C9: variants seen among roughly 807,000 people sequenced by gnomAD.
C9 encodes the protein complement C9.
Under a neutral mutation model 65.4 loss-of-function variants are expected in C9, and 63 were observed. That is an observed-to-expected ratio of 0.96 (90% CI 0.79 to 1.19). The LOEUF (loss-of-function observed/expected upper bound fraction) is 1.19. Ranked by LOEUF, C9 falls within the 50% of genes most tolerant of loss-of-function variation. The probability of loss-of-function intolerance (pLI) is 0.00; values close to 1 mark genes in which losing one functional copy is unlikely to be tolerated. For synonymous variants in C9, 229 were observed against 227.9 expected (o/e 1.00, Z -0.04); for missense variants, 744 against 670.1 (o/e 1.11, Z -1.22).
At chr5:39,347,277 T>G (rs1049834994) in intron 1 of C9, among the ~76,000 whole-genome samples, 1 of 152,166 alleles carries the variant, frequency 6.6e-6, no homozygotes. Context: ...AAAACTCCCT[T>G]GTCTCAGCCC....
chr5:39,348,551 G>A (rs1754253014), intron 1 of C9, among the ~76,000 whole-genome samples: 1 of 152,110 alleles, frequency 6.6e-6, no homozygotes, highest in Admixed American at 6.6e-5. Flanking sequence ...GGAGAAATAG[G>A]AACACTTTTA....
At chr5:39,350,610 G>A (rs1754305183) in intron 1 of C9, among the ~76,000 whole-genome samples, 1 of 152,050 alleles carries the variant, frequency 6.6e-6, no homozygotes, top group Admixed American at 6.6e-5. Flanking sequence ...AAGAGATAGG[G>A]GCTACAGGCA....
rs151018817 is a variant in C9 at position 39,308,230 on chromosome 5, C to T, written c.1240G>A (p.Val414Ile). 1 of 1,613,090 alleles carries T rather than the reference C, an allele frequency of 6.2e-7. No homozygotes were observed. The highest frequency in any genetic ancestry group is 8.5e-7 in the Non-Finnish European group (1 of 1,179,166). Residue 414 changes from valine (V) to isoleucine (I), a missense_variant and splice_region_variant, in exon 8 of 11, where the codon GTA (valine) becomes ATA (isoleucine). Val to Ile is a conservative substitution (Grantham distance 29). Transcript: ENST00000263408. ...DCVKRGEGRAVNITSENLIDD... is the reference protein window; with the variant it reads ...DCVKRGEGRAINITSENLIDD... ...ATCTAACAAGTGAGGCCACACTTACCAGCTCTACCCTCTCCCCTCTTTACA... is the reference window on the plus strand; with the variant it reads ...ATCTAACAAGTGAGGCCACACTTACTAGCTCTACCCTCTCCCCTCTTTACA...
In C9 at chr5:39,301,388, C is replaced by A. The variant is rs144805756; in HGVS notation, c.1416+5229G>T. ...GCAATGTGGGACCCTAGATTGGATCCTGAAACAGGAAAAAAAAAAGGTTAA... is the reference window on the plus strand; with the variant it reads ...GCAATGTGGGACCCTAGATTGGATCATGAAACAGGAAAAAAAAAAGGTTAA... On this transcript the variant is annotated intron_variant, in intron 9 of 10. Transcript: ENST00000263408. Among the ~76,000 whole-genome samples the A allele has an allele frequency of 8.4e-4, 127 of 151,768 alleles. 1 individual carries two copies. The highest frequency in any genetic ancestry group is 2.7e-3 in the African/African-American group (112 of 41,426).
intron 6 of C9, among the ~76,000 whole-genome samples, chr5:39,315,561 G>T (rs1753554415): frequency 6.6e-6 from 1 of 152,096 alleles, no homozygotes; most frequent in South Asian, 2.1e-4. Context: ...CGCATTTTCT[G>T]CTCACTACCA....
At chr5:39,340,934 C>T (rs1754064621) in intron 4 of C9, 3 of 625,146 alleles carry the variant, frequency 4.8e-6, no homozygotes, top group Non-Finnish European at 8.6e-6. Flanking sequence ...ACTCTACAGA[C>T]CCCTACTGAG....
intron 6 of C9, among the ~76,000 whole-genome samples, chr5:39,315,023 G>T (rs1753546283): frequency 2.6e-5 from 4 of 152,142 alleles, no homozygotes; most frequent in Admixed American, 2.6e-4. Flanking sequence ...ATGATTTAAA[G>T]AATTTTCCAC....
intron 9 of C9, among the ~76,000 whole-genome samples, chr5:39,303,073 A>G (rs1412092887): frequency 1.3e-5 from 2 of 152,216 alleles, no homozygotes; most frequent in Admixed American, 6.6e-5. Context: ...CTATTGCTCT[A>G]GAAGAAATAA....
intron 9 of C9, among the ~76,000 whole-genome samples, chr5:39,294,228 T>C (rs1009608822): frequency 6.6e-6 from 1 of 151,454 alleles, no homozygotes; most frequent in Non-Finnish European, 1.5e-5. Flanking sequence ...ATAAACGAAA[T>C]TGAGACTGAA....
chr5:39,298,231 CAAT>C (rs1162917384), intron 9 of C9, among the ~76,000 whole-genome samples: 22 of 151,072 alleles, frequency 1.5e-4, no homozygotes, highest in African/African-American at 5.1e-4. Flanking sequence ...TATCTAAAAT[CAAT>C]AATAACAGCA....
In C9 at chr5:39,285,181, T is replaced by C. The variant is rs373112281; in HGVS notation, c.*18A>G. 16 of 1,610,126 alleles carry C rather than the reference T, an allele frequency of 9.9e-6. No homozygotes were observed. The South Asian group carries it at 1.4e-4, about 14-fold the overall frequency. On this transcript the variant is annotated 3_prime_UTR_variant, in exon 11 of 11. Transcript: ENST00000263408. ...TAGTGTTTTCTTCTTCCACTGGAGCTCAGAGAAGCCAACAGCTCTATTTTT... is the reference window on the plus strand; with the variant it reads ...TAGTGTTTTCTTCTTCCACTGGAGCCCAGAGAAGCCAACAGCTCTATTTTT...
chr5:39,354,681 C>T (rs531011645), intron 1 of C9, among the ~76,000 whole-genome samples: 10 of 152,300 alleles, frequency 6.6e-5, no homozygotes, highest in Admixed American at 6.5e-4. Flanking sequence ...CCCAAGCTCA[C>T]TGATATTTTT....
intron 9 of C9, among the ~76,000 whole-genome samples, chr5:39,300,693 CTTTGGTAATATG>C (rs2111863531): frequency 6.6e-6 from 1 of 151,866 alleles, no homozygotes; most frequent in South Asian, 2.1e-4. Context: ...ATTTGTATGC[CTTTGGTAATATG>C]CCTTAAAATA....
At chr5:39,331,884 G>GTCTCACTTTTTCCAGCTACAGA in intron 4 of C9, 70 bp from the exon 5 acceptor site, 1 of 1,361,160 alleles carries the variant, frequency 7.3e-7, no homozygotes, top group Non-Finnish European at 1.1e-6. Flanking sequence ...CTCTGTAGCT[G>GTCTCACTTTTTCCAGCTACAGA]GAAAAAGTGA....
intron 9 of C9, among the ~76,000 whole-genome samples, chr5:39,291,843 G>T (rs1327823253): frequency 6.6e-6 from 1 of 151,716 alleles, no homozygotes; most frequent in Non-Finnish European, 1.5e-5. Flanking sequence ...GCAAAAGAAA[G>T]AATCAGTAAA....
At chr5:39,334,530 C>T (rs1292977483) in intron 4 of C9, among the ~76,000 whole-genome samples, 3 of 131,070 alleles carry the variant, frequency 2.3e-5, no homozygotes, top group Admixed American at 2.1e-4. Flanking sequence ...TGGGGGTCAG[C>T]CCCCGCCAGG....
intron 9 of C9, among the ~76,000 whole-genome samples, chr5:39,302,594 G>A (rs111879554): frequency 6.6e-6 from 1 of 152,010 alleles, no homozygotes; most frequent in African/African-American, 2.4e-5. Context: ...AAAAATGACG[G>A]GTTAATTAAT....
chr5:39,317,193 C>T (rs700204), intron 5 of C9, among the ~76,000 whole-genome samples: 2,757 of 151,784 alleles, frequency 0.018, 92 homozygotes, highest in African/African-American at 0.064. Context: ...TTAATGGGGT[C>T]GTTTGTTTTT....
rs1013869982 is a variant in C9 at position 39,290,759 on chromosome 5, G to A, written c.1417-1808C>T. The stretch of plus-strand genomic sequence containing the variant: ...ACATTTCCTAATTCAGCAAGAGTTA[G>A]TAGAGAGACTAGGAGGTAGAGCAAC... On this transcript the variant is annotated intron_variant, in intron 9 of 10. Coordinates refer to ENST00000263408, the MANE Select transcript of C9 (RefSeq NM_001737.5). Among the ~76,000 whole-genome samples, 4 of 151,814 alleles carry A rather than the reference G, an allele frequency of 2.6e-5. No individual in the cohort carries two copies. The East Asian group carries it at 7.7e-4, about 29-fold the overall frequency.
Sources: gnomAD v4.1 joint callset for allele counts (sites outside exome capture counted in the v4.1 genomes callset) on GRCh38, gnomAD v4.1.1 for gene constraint, MANE v1.5 for transcripts, NCBI Gene and HGNC (gene_info 2026-07-23, HGNC 2026-07-21) for gene names.